CALN1: variants seen among roughly 807,000 people sequenced by gnomAD.
CALN1 encodes the protein calneuron 1, also known as calcium-binding protein 8.
CALN1 carries 17 observed loss-of-function variants against 30.6 expected under a neutral mutation model. That is an observed-to-expected ratio of 0.56 (90% CI 0.38 to 0.83). The LOEUF (loss-of-function observed/expected upper bound fraction) is 0.83, where lower values mean the gene tolerates loss of function less well. Among genes scored for constraint, CALN1 ranks in the 40% least tolerant of loss-of-function variants. The pLI is 0.00. For missense variants in CALN1, 291 were observed against 354.9 expected (o/e 0.82, Z 1.45); for synonymous variants, 156 against 131.4 (o/e 1.19, Z -1.28).
intron 3 of CALN1, among the ~76,000 whole-genome samples, chr7:72,269,653 G>A (rs1185174144): frequency 6.6e-6 from 1 of 152,044 alleles, no homozygotes; most frequent in East Asian, 1.9e-4. Flanking sequence ...GCGTAAAAAC[G>A]AACCTACACA....
At chr7:72,020,753 T>C (rs1265019751) in intron 5 of CALN1, among the ~76,000 whole-genome samples, 1 of 152,230 alleles carries the variant, frequency 6.6e-6, no homozygotes, top group Non-Finnish European at 1.5e-5. Context: ...TTATAGCATG[T>C]CTGAATTAAG....
intron 4 of CALN1, among the ~76,000 whole-genome samples, chr7:72,027,969 G>A (rs1405926073): frequency 7.0e-5 from 10 of 142,732 alleles, no homozygotes; most frequent in Non-Finnish European, 1.4e-4. Flanking sequence ...TGAGGCAGGA[G>A]AATGGCGTGA....
At chr7:72,322,223 G>C (rs1183030576) in intron 2 of CALN1, among the ~76,000 whole-genome samples, 1 of 152,182 alleles carries the variant, frequency 6.6e-6, no homozygotes, top group Non-Finnish European at 1.5e-5. Flanking sequence ...CTCATAAGGA[G>C]GTTGCAACCT....
chr7:72,002,286 C>A (rs1799563435), intron 5 of CALN1, among the ~76,000 whole-genome samples: 1 of 152,154 alleles, frequency 6.6e-6, no homozygotes, highest in Admixed American at 6.5e-5. Flanking sequence ...TTTAGCCTAA[C>A]CTACCTTAAA....
intron 3 of CALN1, among the ~76,000 whole-genome samples, chr7:72,256,547 G>A: frequency 6.6e-6 from 1 of 151,998 alleles, no homozygotes; most frequent in African/African-American, 2.4e-5. Context: ...ATAAGACTTG[G>A]TTTTTCCCTT....
At chr7:72,135,869 A>C (rs1055022455) in intron 3 of CALN1, among the ~76,000 whole-genome samples, 1 of 152,144 alleles carries the variant, frequency 6.6e-6, no homozygotes, top group Admixed American at 6.5e-5. Flanking sequence ...GCAGTGGCTC[A>C]TGCCTGTAAT....
chr7:72,224,458 A>C (rs961011055), intron 3 of CALN1, among the ~76,000 whole-genome samples: 1 of 152,216 alleles, frequency 6.6e-6, no homozygotes, highest in African/African-American at 2.4e-5. Context: ...AAACCCGTGA[A>C]CTAAAGGAAG....
intron 3 of CALN1, among the ~76,000 whole-genome samples, chr7:72,192,966 T>C (rs987776856): frequency 6.6e-6 from 1 of 151,824 alleles, no homozygotes; most frequent in Admixed American, 6.6e-5. Context: ...AACAGGCGGA[T>C]CACTTGAGGT....
intron 2 of CALN1, among the ~76,000 whole-genome samples, chr7:72,398,582 G>A (rs1806128217): frequency 6.6e-6 from 1 of 152,164 alleles, no homozygotes; most frequent in Admixed American, 6.5e-5. Context: ...GAAGCTACCT[G>A]GGCATCACTC....
chr7:72,347,390 C>T (rs1002200629), intron 2 of CALN1, among the ~76,000 whole-genome samples: 3 of 152,034 alleles, frequency 2.0e-5, no homozygotes, highest in African/African-American at 4.8e-5. Flanking sequence ...CCTCAGCCTC[C>T]TGAGTAGCTG....
At chr7:72,365,848 G>C (rs1233109519) in intron 2 of CALN1, among the ~76,000 whole-genome samples, 1 of 152,194 alleles carries the variant, frequency 6.6e-6, no homozygotes, top group Non-Finnish European at 1.5e-5. Flanking sequence ...GTGAGTGAGA[G>C]TATATGAAAA....
intron 3 of CALN1, among the ~76,000 whole-genome samples, chr7:72,226,082 G>A (rs1223412901): frequency 5.5e-5 from 7 of 128,150 alleles, no homozygotes; most frequent in East Asian, 2.5e-4. Flanking sequence ...GTGACAGAGC[G>A]AGACTCCACC....
At chr7:71,883,445 T>C (rs1351522769) in intron 5 of CALN1, among the ~76,000 whole-genome samples, 1 of 152,136 alleles carries the variant, frequency 6.6e-6, no homozygotes, top group Non-Finnish European at 1.5e-5. Context: ...CATTTTAAGC[T>C]CCTAAGCTGT....
chr7:72,060,099 T>C (rs1257081028), intron 4 of CALN1, among the ~76,000 whole-genome samples: 1 of 152,086 alleles, frequency 6.6e-6, no homozygotes, highest in African/African-American at 2.4e-5. Flanking sequence ...CCAGGAAGCC[T>C]CTAGTTTTGG....
intron 2 of CALN1, among the ~76,000 whole-genome samples, chr7:72,308,366 G>GGC (rs1562868099): frequency 2.1e-5 from 2 of 95,306 alleles, no homozygotes; most frequent in African/African-American, 4.5e-5. Context: ...GCTGTCTGTG[G>GGC]GGGGGGGAGA....
At chr7:72,478,710 T>C in the CALN1 span, among the ~76,000 whole-genome samples, 1 of 152,066 alleles carries the variant, frequency 6.6e-6, no homozygotes, top group African/African-American at 2.4e-5. Flanking sequence ...TATGCAGAAA[T>C]GAACTGTGAG....
intron 2 of CALN1, among the ~76,000 whole-genome samples, chr7:72,352,409 C>A (rs1170171322): frequency 4.3e-4 from 46 of 107,370 alleles, no homozygotes; most frequent in South Asian, 1.3e-3. Flanking sequence ...AAAAAAAAAA[C>A]TTTGAGATTT....
At chr7:72,302,231 G>T (rs1034412793) in intron 2 of CALN1, among the ~76,000 whole-genome samples, 1 of 152,138 alleles carries the variant, frequency 6.6e-6, no homozygotes, top group Non-Finnish European at 1.5e-5. Context: ...GACTGAAAAT[G>T]CCTGTCAGCT....
At chr7:72,017,067 A>T (rs1800431787) in intron 5 of CALN1, among the ~76,000 whole-genome samples, 1 of 149,398 alleles carries the variant, frequency 6.7e-6, no homozygotes, top group Non-Finnish European at 1.5e-5. Context: ...GGGAGGCTGA[A>T]GCATGAGAAT....
Sources: allele counts gnomAD v4.1 joint callset (sites outside exome capture counted in the v4.1 genomes callset), GRCh38; gene constraint gnomAD v4.1.1; transcripts MANE v1.5; gene names NCBI Gene and HGNC (gene_info 2026-07-23, HGNC 2026-07-21).